ITIH4: variants seen among roughly 807,000 people sequenced by gnomAD.
ITIH4 encodes the protein inter-alpha-trypsin inhibitor heavy chain H4.
ITIH4 carries 79 observed loss-of-function variants against 111.8 expected under a neutral mutation model. The observed-to-expected ratio is 0.71, with a 90% confidence interval of 0.59 to 0.85. The LOEUF is 0.85. Among genes scored for constraint, ITIH4 ranks in the 40% least tolerant of loss-of-function variants. ITIH4 has a pLI of 0.00. For synonymous variants in ITIH4, 472 were observed against 468.3 expected, an observed-to-expected ratio of 1.01 and a Z score of -0.10; for missense variants, 1,065 against 1,195.8, an observed-to-expected ratio of 0.89 and a Z score of 1.61.
chr3:52,823,451 G>C, intron 11 of ITIH4, 105 bp downstream of exon 11: 1 of 893,872 alleles, frequency 1.1e-6, no homozygotes, highest in Non-Finnish European at 1.7e-6. Flanking sequence ...ACAGGCAGCA[G>C]AGGGGAAAGC....
At chr3:52,814,501 A>G (rs1700245350) in intron 21 of ITIH4, 138 bp from the exon 22 acceptor site, 1 of 682,020 alleles carries the variant, frequency 1.5e-6, no homozygotes, top group Non-Finnish European at 2.6e-6. Context: ...AGGCCCTTAA[A>G]TCTTCTGATT....
chr3:52,818,012 G>A, intron 20 of ITIH4, 40 bp downstream of exon 20: 5 of 1,465,356 alleles, frequency 3.4e-6, no homozygotes, highest in Admixed American at 1.7e-5. Flanking sequence ...GTGGGTGTGT[G>A]CCAGTGGTGT....
intron 2 of ITIH4, among the ~76,000 whole-genome samples, 156 bp from the exon 3 acceptor site, chr3:52,827,353 C>T (rs1700500156): frequency 6.6e-6 from 1 of 152,240 alleles, no homozygotes; most frequent in African/African-American, 2.4e-5. Flanking sequence ...GCACCTACCG[C>T]ATACAGGACC....
At chr3:52,827,460 G>A (rs1471093347) in intron 2 of ITIH4, among the ~76,000 whole-genome samples, 4 of 152,246 alleles carry the variant, frequency 2.6e-5, no homozygotes, top group African/African-American at 9.6e-5. Flanking sequence ...ACGAAGGGGA[G>A]GCTGCAGAGG....
chr3:52,826,485 G>A (rs1027657652), intron 5 of ITIH4, 56 bp downstream of exon 5: 2 of 1,320,192 alleles, frequency 1.5e-6, no homozygotes, highest in African/African-American at 1.4e-5. Flanking sequence ...GGCTCATAGG[G>A]CTGGCCTGAA....
chr3:52,819,931 C>T lies in ITIH4; in HGVS notation c.1912+9G>A. The T allele has an allele frequency of 1.9e-6, 3 of 1,613,580 alleles. No homozygotes were observed. The highest frequency in any genetic ancestry group is 1.6e-4 in the Middle Eastern group (1 of 6,062). On this transcript the variant is annotated intron_variant, in intron 15 of 23. Transcript: ENST00000266041. ...CAATCTCCCCTCCCCCCACCTCCTA[C>T]TTTGTCACCTGGTTTTGGTATTTTT... is the stretch of plus-strand genomic sequence containing the variant.
At position 52,824,402 on chromosome 3, in the gene ITIH4, A is replaced by C; in HGVS notation, c.1040T>G (p.Leu347Arg). Residue 347 changes from leucine to arginine, a missense_variant, in exon 8 of 24, where the codon CTG (leucine) becomes CGG (arginine). Transcript: ENST00000266041. This position sits in a 1 kb window ranked among gnomAD's most constrained non-coding sequence, Gnocchi z 4.3. ...AGGGCCACAGAGACACTTACCTCCCAGGGCCTGGATGCCCGCAGCAAAGCT... is the reference window on the plus strand; with the variant it reads ...AGGGCCACAGAGACACTTACCTCCCCGGGCCTGGATGCCCGCAGCAAAGCT... The part of the protein sequence containing the change: ...ARSFAAGIQA[L>R]GGTNINDAML... 3 of 1,614,050 alleles carry C rather than the reference A, an allele frequency of 1.9e-6. No individual in the cohort carries two copies. The highest frequency in any genetic ancestry group is 2.5e-6 in the Non-Finnish European group (3 of 1,179,976).
Position 52,826,823 on chromosome 3 carries a change from C to G in ITIH4, c.487G>C (p.Val163Leu), listed in dbSNP as rs149147025. The G allele has an allele frequency of 3.7e-6, 6 of 1,613,764 alleles. No homozygotes were observed. In the African/African-American group the frequency reaches 6.7e-5, roughly 18 times the overall value. The change falls in exon 4 of 24, where the codon GTG becomes CTG. Residue 163 changes from valine to leucine, a missense_variant. Physicochemically the swap from Val to Leu is conservative, Grantham distance 32 (BLOSUM62 1). Coordinates refer to ENST00000266041, the MANE Select transcript of ITIH4 (RefSeq NM_002218.5). The part of the protein sequence containing the change: ...RLGVYELLLK[V>L]RPQQLVKHLQ... ...TGCTTGACCAGCTGCTGGGGCCGCACTTTCAGCAGCAGCTCGTACACCCCC... is the reference window on the plus strand; with the variant it reads ...TGCTTGACCAGCTGCTGGGGCCGCAGTTTCAGCAGCAGCTCGTACACCCCC...
chr3:52,817,741 C>T (rs1700305646), intron 20 of ITIH4, among the ~76,000 whole-genome samples: 1 of 152,260 alleles, frequency 6.6e-6, no homozygotes, highest in African/African-American at 2.4e-5. Flanking sequence ...ATGGCCCTGC[C>T]ATCCCTGTGT....
Position 52,821,837 on chromosome 3 carries a change from G to A in ITIH4, c.1540-707C>T, listed in dbSNP as rs117551233. The stretch of plus-strand genomic sequence containing the variant: ...ACCAGAGCTCCCTGAGTGGCCAAGA[G>A]ACCTTTTCACAGTGCGGATCAGATC... On this transcript the variant is annotated intron_variant, in intron 11 of 23. Transcript: ENST00000266041. 4.2e-4 allele frequency among the ~76,000 whole-genome samples: 64 copies of A among 152,304 alleles called. 1 individual carries two copies. In the East Asian group the frequency reaches 0.01, roughly 24 times the overall value.
chr3:52,819,669 A>G (rs913595271), intron 16 of ITIH4, 85 bp downstream of exon 16: 7 of 1,573,622 alleles, frequency 4.4e-6, no homozygotes, highest in African/African-American at 2.7e-5. Context: ...CTCCCCCAAC[A>G]GCTGGGAGAT....
intron 1 of ITIH4, 155 bp downstream of exon 1, chr3:52,830,398 G>A (rs778120633): frequency 1.3e-6 from 1 of 750,794 alleles, no homozygotes; most frequent in Non-Finnish European, 2.4e-6. Context: ...AAGGCCCTTG[G>A]GGTAGTGCCT....
chr3:52,822,959 G>A (rs1029285243), intron 11 of ITIH4, among the ~76,000 whole-genome samples: 1 of 152,128 alleles, frequency 6.6e-6, no homozygotes, highest in African/African-American at 2.4e-5. Context: ...ATCCCAGCCT[G>A]TAGCTGGTTT....
Position 52,827,147 on chromosome 3 carries a change from G to C in ITIH4, c.302C>G (p.Ala101Gly). 1 of 1,614,156 alleles carries C rather than the reference G, an allele frequency of 6.2e-7. No homozygotes were observed. The highest frequency in any genetic ancestry group is 8.5e-7 in the Non-Finnish European group (1 of 1,180,036). ...YPGIIKEKAE[A>G]QAQYSAAVAK... ...CACTGCTGCGCTGTACTGTGCCTGG[G>C]CTTCAGCCTTCTCCTTGATGATCCC... The change falls in exon 3 of 24, where the codon GCC becomes GGC. Residue 101 changes from alanine (A) to glycine (G), a missense_variant. Physicochemically the swap from Ala to Gly is moderately conservative, Grantham distance 60. Transcript: ENST00000266041.
At chr3:52,819,323 C>T (rs908707526) in intron 17 of ITIH4, 70 bp downstream of exon 17, 1 of 1,589,216 alleles carries the variant, frequency 6.3e-7, no homozygotes, top group Non-Finnish European at 8.6e-7. Context: ...TACCCCACCC[C>T]CCTCTATGGG....
chr3:52,828,045 G>T lies in ITIH4; in HGVS notation c.252-848C>A, dbSNP rs554039860. Among the ~76,000 whole-genome samples the T allele has an allele frequency of 9.2e-5, 14 of 152,338 alleles. No individual in the cohort carries two copies. The South Asian group carries it at 2.7e-3, about 29-fold the overall frequency. On this transcript the variant is annotated intron_variant, in intron 2 of 23. Transcript: ENST00000266041. ...TTAACTCTAGCCCGGGATGGGGCTG[G>T]TGAGTGGGCAGTGGCACTCCTCCCC...
Position 52,819,451 on chromosome 3 carries a change from T to C in ITIH4, c.2019A>G (p.Pro673=). ...CATGGTCAGGAACATCAGGAGGTCCTGGGAGTCCAAGTTGCCTGGAGCTGA... is the reference window on the plus strand; with the variant it reads ...CATGGTCAGGAACATCAGGAGGTCCCGGGAGTCCAAGTTGCCTGGAGCTGA... ...GVLSSRQLGL[P]GPPDVPDHAA... Residue 673 remains proline, a synonymous_variant, in exon 17 of 24, where the codon CCA becomes CCG. Transcript: ENST00000266041. The C allele has an allele frequency of 6.2e-7, 1 of 1,614,138 alleles. No individual in the cohort carries two copies. Among genetic ancestry groups the C allele is most frequent in the Non-Finnish European group, 8.5e-7 (1 of 1,179,986 alleles).
intron 14 of ITIH4, 102 bp from the exon 15 acceptor site, chr3:52,820,092 A>G: frequency 2.2e-6 from 3 of 1,363,466 alleles, no homozygotes; most frequent in Middle Eastern, 1.8e-4. Context: ...GGCCTGAGGC[A>G]CAGCCAATAT....
At chr3:52,818,621 G>T in intron 17 of ITIH4, 85 bp from the exon 18 acceptor site, 2 of 1,143,314 alleles carry the variant, frequency 1.7e-6, no homozygotes, top group Non-Finnish European at 2.6e-6. Context: ...CCAAGCTCCA[G>T]CCCCCCATCC....
Sources: gnomAD v4.1 joint callset for allele counts (sites outside exome capture counted in the v4.1 genomes callset) on GRCh38, gnomAD v4.1.1 for gene constraint, Gnocchi (gnomAD v3.1) non-coding constraint, MANE v1.5 for transcripts, NCBI Gene and HGNC (gene_info 2026-07-23, HGNC 2026-07-21) for gene names.